Variants in CREB1 observed in about 807,000 individuals in gnomAD.
CREB1 encodes cyclic AMP-responsive element-binding protein 1.
A neutral mutation model predicts 42.0 loss-of-function variants in CREB1; 2 were observed. The ratio of observed to expected loss-of-function variants is 0.05; its 90% CI spans 0.02 to 0.15. The LOEUF (loss-of-function observed/expected upper bound fraction) is 0.15, where lower values mean the gene tolerates loss of function less well. Among genes scored for constraint, CREB1 ranks in the 10% least tolerant of loss-of-function variants. The probability of loss-of-function intolerance (pLI) is 1.00; values close to 1 mark genes in which losing one functional copy is unlikely to be tolerated. For missense variants in CREB1, 199 were observed against 388.9 expected (o/e 0.51, Z 4.11); for synonymous variants, 123 against 139.9 (o/e 0.88, Z 0.85).
In CREB1 at chr2:207,597,756, A is replaced by C. The variant is rs999843650; in HGVS notation, c.*698A>C. On this transcript the variant is annotated 3_prime_UTR_variant, in exon 8 of 8. Coordinates refer to ENST00000353267, the MANE Select transcript of CREB1 (RefSeq NM_004379.5). ...CTTAATTCAGTTCTGTATGTGTTCA[A>C]CATTTTTGAATACATTAAAAGAAGT... The C allele has an allele frequency of 7.9e-5, 16 of 202,184 alleles. No homozygotes were observed. The highest frequency in any genetic ancestry group is 1.2e-4 in the Non-Finnish European group (12 of 98,468). 12.5% of individuals were successfully genotyped at this position (202,184 alleles called of 1,614,324 possible). A position where few individuals can be genotyped will look rare whatever the true frequency, so the allele number is the denominator to read the frequency against.
At chr2:207,583,863 A>G (rs934479167) in intron 7 of CREB1, among the ~76,000 whole-genome samples, 2 of 152,190 alleles carry the variant, frequency 1.3e-5, no homozygotes, top group African/African-American at 4.8e-5. Context: ...CTGAAAACCA[A>G]TGAACTGTTT....
chr2:207,591,826 C>CTTA (rs951917518), intron 7 of CREB1, among the ~76,000 whole-genome samples: 24 of 152,198 alleles, frequency 1.6e-4, no homozygotes, highest in Non-Finnish European at 1.6e-4. Context: ...ATGGCATATA[C>CTTA]TTAGGTCTTC....
At chr2:207,576,241 CTTTTTTTTT>C (rs35735523) in intron 6 of CREB1, among the ~76,000 whole-genome samples, 1 of 101,068 alleles carries the variant, frequency 9.9e-6, no homozygotes, top group Non-Finnish European at 1.9e-5. Flanking sequence ...CTTTTTTTGG[CTTTTTTTTT>C]TTTTTTTTTA....
At chr2:207,531,867 TA>T (rs2106320210) in intron 1 of CREB1, among the ~76,000 whole-genome samples, 1 of 152,326 alleles carries the variant, frequency 6.6e-6, no homozygotes, top group African/African-American at 2.4e-5. Flanking sequence ...TGCTTCTCTT[TA>T]AAAGACCACA....
chr2:207,592,142 A>C (rs1243281525), intron 7 of CREB1, among the ~76,000 whole-genome samples: 1 of 152,072 alleles, frequency 6.6e-6, no homozygotes, highest in Non-Finnish European at 1.5e-5. Context: ...TTTTCTTTGA[A>C]GTGACAGACT....
At chr2:207,571,191 G>A (rs1291969460) in intron 5 of CREB1, among the ~76,000 whole-genome samples, 1 of 151,690 alleles carries the variant, frequency 6.6e-6, no homozygotes, top group Non-Finnish European at 1.5e-5. Context: ...CCTAATCCCT[G>A]AGGGAATCTG....
chr2:207,568,193 T>C (rs1389145335), intron 4 of CREB1: 1 of 152,144 alleles, frequency 6.6e-6, no homozygotes, highest in African/African-American at 2.4e-5. Flanking sequence ...ATTATCTTCC[T>C]TGTTAGTGTA....
intron 7 of CREB1, among the ~76,000 whole-genome samples, chr2:207,596,292 T>C (rs1264487953): frequency 2.0e-5 from 3 of 152,250 alleles, no homozygotes. Flanking sequence ...TTGTTACACA[T>C]TGAAATTTAG....
Position 207,597,061 on chromosome 2 carries a change from T to G in CREB1, c.*3T>G. On this transcript the variant is annotated 3_prime_UTR_variant, in exon 8 of 8. Coordinates refer to ENST00000353267, the MANE Select transcript of CREB1 (RefSeq NM_004379.5). The stretch of plus-strand genomic sequence containing the variant: ...TTTACTGCCACAAATCAGATTAATT[T>G]GGGATTTAAATTTTCACCTGTTAAG... 1 of 1,589,968 alleles carries G rather than the reference T, an allele frequency of 6.3e-7. No individual in the cohort carries two copies. The highest frequency in any genetic ancestry group is 8.5e-7 in the Non-Finnish European group (1 of 1,172,874).
intron 2 of CREB1, among the ~76,000 whole-genome samples, chr2:207,558,067 C>G (rs1194058216): frequency 6.6e-6 from 1 of 152,142 alleles, no homozygotes; most frequent in African/African-American, 2.4e-5. Context: ...TCTAATGAAG[C>G]TATTCCATGG....
intron 4 of CREB1, 139 bp from the exon 5 acceptor site, chr2:207,570,040 C>CAA (rs757439012): frequency 0.036 from 6,284 of 174,544 alleles, 2 homozygotes; most frequent in South Asian, 0.056. Context: ...GACTCCATCT[C>CAA]AAAAAAAAAA....
chr2:207,537,833 A>T (rs909217917), intron 1 of CREB1, among the ~76,000 whole-genome samples: 1 of 152,136 alleles, frequency 6.6e-6, no homozygotes, highest in Admixed American at 6.5e-5. Flanking sequence ...ACAAGGCCCT[A>T]TGAAGATAGG....
chr2:207,548,676 G>A (rs1264811610), intron 1 of CREB1, among the ~76,000 whole-genome samples: 1 of 151,978 alleles, frequency 6.6e-6, no homozygotes, highest in Non-Finnish European at 1.5e-5. Context: ...ACTTGAACCG[G>A]GGAGGCAGAT....
intron 1 of CREB1, among the ~76,000 whole-genome samples, chr2:207,546,888 T>C (rs1162014640): frequency 3.3e-5 from 5 of 152,214 alleles, no homozygotes; most frequent in Admixed American, 3.3e-4. Flanking sequence ...GCTTTTTCCT[T>C]TGCTGTTTGA....
chr2:207,575,233 G>A, intron 5 of CREB1, 39 bp from the exon 6 acceptor site: 2 of 1,564,266 alleles, frequency 1.3e-6, no homozygotes, highest in African/African-American at 1.3e-5. Context: ...AGTCTTATAT[G>A]GTATTAAACT....
intron 7 of CREB1, among the ~76,000 whole-genome samples, chr2:207,588,294 A>T (rs1200708988): frequency 6.6e-6 from 1 of 152,070 alleles, no homozygotes; most frequent in Non-Finnish European, 1.5e-5. Context: ...TGTTGAAAAG[A>T]CTATTCTTTC....
intron 6 of CREB1, chr2:207,576,933 C>G (rs949950766): frequency 3.4e-6 from 3 of 875,424 alleles, no homozygotes; most frequent in East Asian, 2.4e-4. Context: ...TAGCCATTAT[C>G]ATTTACATTA....
rs1487303398 is a variant in CREB1, at chr2:207,541,181, T to G, written c.-9+11047T>G. Among the ~76,000 whole-genome samples the G allele has an allele frequency of 2.0e-5, 3 of 151,792 alleles. No individual in the cohort carries two copies. In the East Asian group the frequency reaches 5.8e-4, roughly 29 times the overall value. ...ATGCAGTGAGCCGAGATCGTGCCACTGCACTCCAGCCTGGGTGACAAGAGC... is the reference window on the plus strand; with the variant it reads ...ATGCAGTGAGCCGAGATCGTGCCACGGCACTCCAGCCTGGGTGACAAGAGC... On this transcript the variant is annotated intron_variant, in intron 1 of 7. Transcript: ENST00000353267.
At chr2:207,574,562 G>C (rs750575814) in intron 5 of CREB1, among the ~76,000 whole-genome samples, 4 of 152,044 alleles carry the variant, frequency 2.6e-5, no homozygotes, top group Non-Finnish European at 4.4e-5. Context: ...GGCTAATTAG[G>C]GCATAAACAA....
Sources: gnomAD v4.1 joint callset for allele counts (sites outside exome capture counted in the v4.1 genomes callset) on GRCh38, gnomAD v4.1.1 for gene constraint, MANE v1.5 for transcripts, NCBI Gene and HGNC (gene_info 2026-07-23, HGNC 2026-07-21) for gene names.